Variants in ABCC4 observed in about 807,000 individuals in gnomAD.
The protein encoded by ABCC4 is ATP binding cassette subfamily C member 4 (PEL blood group).
A neutral mutation model predicts 168.5 loss-of-function variants in ABCC4; 102 were observed. The observed-to-expected ratio is 0.61, with a 90% CI of 0.52 to 0.71. ABCC4 has a LOEUF of 0.71. Among genes scored for constraint, ABCC4 ranks in the 30% least tolerant of loss-of-function variants. ABCC4 has a pLI of 0.00. For synonymous variants in ABCC4, 617 were observed against 590.7 expected (o/e 1.04, Z -0.65); for missense variants, 1,402 against 1,605.8 (o/e 0.87, Z 2.17).
At chr13:95,176,374 A>G (rs1434311670) in intron 13 of ABCC4, among the ~76,000 whole-genome samples, 2 of 151,926 alleles carry the variant, frequency 1.3e-5, no homozygotes, top group South Asian at 2.1e-4. Context: ...GCTAGCCTGT[A>G]GTCACAGCTA....
chr13:95,023,784 C>T (rs889716005), intron 30 of ABCC4, among the ~76,000 whole-genome samples: 6 of 152,198 alleles, frequency 3.9e-5, no homozygotes, highest in African/African-American at 9.7e-5. Context: ...CATCTTTTAT[C>T]TTTACAGAAT....
chr13:95,283,925 T>C (rs113651046), intron 1 of ABCC4, among the ~76,000 whole-genome samples: 2,881 of 139,596 alleles, frequency 0.021, 94 homozygotes, highest in African/African-American at 0.072. Flanking sequence ...TGGCGCCAGG[T>C]GCAGTGGCTC....
At chr13:95,257,675 A>T (rs2040426531) in intron 1 of ABCC4, among the ~76,000 whole-genome samples, 1 of 151,492 alleles carries the variant, frequency 6.6e-6, no homozygotes, top group Non-Finnish European at 1.5e-5. Flanking sequence ...AAAAAAAAAG[A>T]AAGAAAAAGA....
At chr13:95,079,319 T>C (rs1399165353) in intron 21 of ABCC4, among the ~76,000 whole-genome samples, 2 of 152,178 alleles carry the variant, frequency 1.3e-5, no homozygotes, top group African/African-American at 2.4e-5. Flanking sequence ...CTGTCTTCTC[T>C]GAAAAGAACA....
chr13:95,021,494 A>C lies in ABCC4; in HGVS notation c.*81T>G, dbSNP rs1161319413. 6 of 920,664 alleles carry C rather than the reference A, an allele frequency of 6.5e-6. No homozygotes were observed. Among genetic ancestry groups the C allele is most frequent in the Non-Finnish European group, 1.0e-5 (6 of 595,688 alleles). 57.0% of individuals were successfully genotyped at this position (920,664 alleles called of 1,614,324 possible). On this transcript the variant is annotated 3_prime_UTR_variant, in exon 31 of 31. Coordinates refer to ENST00000645237, the MANE Select transcript of ABCC4 (RefSeq NM_005845.5). ...ATGTATAAATATTTGTTGCCAAAGTAAAAAAAAGTACAATGTGGTTTACAT... is the reference window on the plus strand; with the variant it reads ...ATGTATAAATATTTGTTGCCAAAGTCAAAAAAAGTACAATGTGGTTTACAT...
intron 19 of ABCC4, among the ~76,000 whole-genome samples, chr13:95,155,414 T>C (rs978665889): frequency 1.3e-5 from 2 of 152,082 alleles, no homozygotes; most frequent in Admixed American, 6.6e-5. Context: ...AATATGTCTA[T>C]CTTAAAATCT....
chr13:95,025,243 ACACC>A (rs2031391403), intron 30 of ABCC4, among the ~76,000 whole-genome samples: 12 of 45,144 alleles, frequency 2.7e-4, no homozygotes, highest in African/African-American at 6.1e-4. Context: ...CCATACACAC[ACACC>A]CACACACACA....
At chr13:95,249,584 CCT>C (rs1214159469) in intron 1 of ABCC4, among the ~76,000 whole-genome samples, 1 of 152,166 alleles carries the variant, frequency 6.6e-6, no homozygotes, top group Non-Finnish European at 1.5e-5. Context: ...CATCAACTCA[CCT>C]CTTTCTCCTC....
chr13:95,280,690 C>T (rs1226724109), intron 1 of ABCC4, among the ~76,000 whole-genome samples: 1 of 151,814 alleles, frequency 6.6e-6, no homozygotes, highest in Non-Finnish European at 1.5e-5. Context: ...CCTCATCCTT[C>T]CTGGAAGGGA....
intron 25 of ABCC4, among the ~76,000 whole-genome samples, chr13:95,063,685 T>C (rs182880050): frequency 3.0e-4 from 45 of 152,326 alleles, no homozygotes; most frequent in Admixed American, 2.9e-3. Context: ...CACTCCTCTA[T>C]TAAAGCCAAG....
chr13:95,223,897 G>T (rs1405884051), intron 4 of ABCC4, among the ~76,000 whole-genome samples: 1 of 152,154 alleles, frequency 6.6e-6, no homozygotes, highest in Non-Finnish European at 1.5e-5. Context: ...GGTCTTATCA[G>T]CAGTTTAAAA....
intron 4 of ABCC4, among the ~76,000 whole-genome samples, chr13:95,228,622 A>G (rs1456762569): frequency 1.3e-5 from 2 of 151,994 alleles, no homozygotes; most frequent in African/African-American, 2.4e-5. Flanking sequence ...TAAAAATACA[A>G]AAATGCACCA....
chr13:95,252,752 T>C (rs532498713), intron 1 of ABCC4, among the ~76,000 whole-genome samples: 9 of 152,348 alleles, frequency 5.9e-5, no homozygotes, highest in African/African-American at 9.6e-5. Context: ...TCCACGGCTT[T>C]AGGCAGCCAC....
chr13:95,191,815 T>C (rs2038259791), intron 9 of ABCC4, among the ~76,000 whole-genome samples: 1 of 152,250 alleles, frequency 6.6e-6, no homozygotes, highest in Non-Finnish European at 1.5e-5. Context: ...TTATTCAGTT[T>C]TGGCTGCAAA....
chr13:95,062,507 C>CACACACAA (rs756557441), intron 26 of ABCC4, among the ~76,000 whole-genome samples, 197 bp downstream of exon 26: 3 of 151,302 alleles, frequency 2.0e-5, no homozygotes, highest in Non-Finnish European at 4.4e-5. Context: ...CACACACACA[C>CACACACAA]AGAGAGAGAG....
intron 30 of ABCC4, among the ~76,000 whole-genome samples, chr13:95,032,771 C>G (rs1215931693): frequency 6.9e-6 from 1 of 145,258 alleles, no homozygotes; most frequent in South Asian, 2.2e-4. Flanking sequence ...TCAAGCTATT[C>G]TCCTGCCTCA....
chr13:95,289,980 C>T (rs1484441917), intron 1 of ABCC4, among the ~76,000 whole-genome samples: 1 of 151,986 alleles, frequency 6.6e-6, no homozygotes. Flanking sequence ...CCTATAATCC[C>T]AGCTACTCAG....
intron 1 of ABCC4, among the ~76,000 whole-genome samples, chr13:95,288,225 C>A (rs756179057): frequency 6.6e-6 from 1 of 152,084 alleles, no homozygotes; most frequent in Non-Finnish European, 1.5e-5. Flanking sequence ...GGTCTTCTGG[C>A]TCCAGTCTGA....
intron 1 of ABCC4, among the ~76,000 whole-genome samples, chr13:95,289,895 G>A (rs753247769): frequency 3.6e-4 from 55 of 152,082 alleles, no homozygotes; most frequent in Non-Finnish European, 6.8e-4. Flanking sequence ...TCGAGAGTTC[G>A]AGACCAGCCT....
Sources: gnomAD v4.1 joint callset for allele counts (sites outside exome capture counted in the v4.1 genomes callset) on GRCh38, gnomAD v4.1.1 for gene constraint, MANE v1.5 for transcripts, NCBI Gene and HGNC (gene_info 2026-07-23, HGNC 2026-07-21) for gene names.